The following RPS6KA2 variants were observed in gnomAD, a reference collection of about 807,000 sequenced individuals.
RPS6KA2 encodes ribosomal protein S6 kinase alpha-2.
RPS6KA2 carries 42 observed loss-of-function variants against 91.8 expected under a neutral mutation model. The observed-to-expected ratio is 0.46, with a 90% CI of 0.36 to 0.59. RPS6KA2 has a LOEUF of 0.59. RPS6KA2 is among the 20% of genes least tolerant of loss of function. RPS6KA2 has a pLI of 0.00. For synonymous variants in RPS6KA2, 414 were observed against 393.6 expected (o/e 1.05, Z -0.61); for missense variants, 798 against 978.5 (o/e 0.82, Z 2.46).
chr6:166,664,607 G>T (rs1788263822), intron 2 of RPS6KA2, among the ~76,000 whole-genome samples: 1 of 152,152 alleles, frequency 6.6e-6, no homozygotes, highest in Admixed American at 6.5e-5. Flanking sequence ...AATAGAGATT[G>T]CAAAGCTCAA....
In RPS6KA2 at chr6:166,459,932, C is replaced by T. The variant is rs1439141660; in HGVS notation, c.973-381G>A. ...ACAGGACAGCCACCACTTGCCCCCA[C>T]TGGGGACAGCAGTGAAGAGGCCGTG... On this transcript the variant is annotated intron_variant, in intron 11 of 20. Coordinates refer to ENST00000265678, the MANE Select transcript of RPS6KA2 (RefSeq NM_021135.6). This position sits in a 1 kb window ranked among gnomAD's most constrained non-coding sequence, Gnocchi z 4.9. 1.3e-5 allele frequency among the ~76,000 whole-genome samples: 2 copies of T among 152,200 alleles called. No individual in the cohort carries two copies. Among genetic ancestry groups the T allele is most frequent in the Non-Finnish European group, 2.9e-5 (2 of 68,038 alleles).
intron 10 of RPS6KA2, among the ~76,000 whole-genome samples, chr6:166,473,164 G>C (rs1780835175): frequency 6.6e-6 from 1 of 151,932 alleles, no homozygotes; most frequent in Admixed American, 6.6e-5. Context: ...TCATATCAAT[G>C]ACTAAAGTGC....
intron 10 of RPS6KA2, among the ~76,000 whole-genome samples, chr6:166,476,264 G>A (rs1456454055): frequency 6.6e-6 from 1 of 152,168 alleles, no homozygotes; most frequent in East Asian, 1.9e-4. Flanking sequence ...CTTTCAGTGG[G>A]AGCACAGCCC....
chr6:166,537,002 G>A (rs1010430575), intron 2 of RPS6KA2, among the ~76,000 whole-genome samples: 19 of 152,240 alleles, frequency 1.2e-4, no homozygotes, highest in Middle Eastern at 3.4e-3. Flanking sequence ...CTGAACGAGG[G>A]AGCTGGAAAA....
intron 2 of RPS6KA2, among the ~76,000 whole-genome samples, chr6:166,694,309 G>C (rs1241882314): frequency 6.6e-6 from 1 of 152,206 alleles, no homozygotes; most frequent in Non-Finnish European, 1.5e-5. Context: ...GGCCTGGCTG[G>C]CACTTCTCCT....
intron 2 of RPS6KA2, among the ~76,000 whole-genome samples, chr6:166,652,771 G>A (rs371405623): frequency 7.9e-5 from 12 of 152,282 alleles, no homozygotes; most frequent in East Asian, 3.9e-4. Context: ...GAATCGTACC[G>A]AGATTTTCAA....
chr6:166,433,791 G>A lies in RPS6KA2; in HGVS notation c.1333-1301C>T, dbSNP rs950016964. ...TTTTTTGGAGACAGGGTCTCACTCT[G>A]TTGCCTAGGTTGGAATACAGTGGTA... On this transcript the variant is annotated intron_variant, in intron 14 of 20. Coordinates refer to ENST00000265678, the MANE Select transcript of RPS6KA2 (RefSeq NM_021135.6). This position sits in a 1 kb window ranked among gnomAD's most constrained non-coding sequence, Gnocchi z 4.4. Among the ~76,000 whole-genome samples, 2 of 152,138 alleles carry A rather than the reference G, an allele frequency of 1.3e-5. No homozygotes were observed. The highest frequency in any genetic ancestry group is 1.5e-5 in the Non-Finnish European group (1 of 68,036).
intron 2 of RPS6KA2, among the ~76,000 whole-genome samples, chr6:166,845,637 T>C (rs1044979840): frequency 2.6e-5 from 4 of 152,064 alleles, no homozygotes; most frequent in Non-Finnish European, 1.5e-5. Context: ...AAAATCAAGA[T>C]GGAAATTAAA....
intron 11 of RPS6KA2, among the ~76,000 whole-genome samples, chr6:166,468,181 GTGAGCACAGCC>G (rs1233476308): frequency 6.6e-6 from 1 of 152,244 alleles, no homozygotes; most frequent in African/African-American, 2.4e-5. Flanking sequence ...CATCTGTGAG[GTGAGCACAGCC>G]TGAGCTTCTG....
In RPS6KA2 at chr6:166,859,915, C is replaced by A. The variant is rs147137798; in HGVS notation, c.64-1656G>T. On this transcript the variant is annotated intron_variant, in intron 1 of 21. Transcript: ENST00000503859. ...ATCACTAAAAAATAAGCACTAAAATCTCTTAGCAGATTTTCCGATGAGAAA... is the reference window on the plus strand; with the variant it reads ...ATCACTAAAAAATAAGCACTAAAATATCTTAGCAGATTTTCCGATGAGAAA... 6.4e-3 allele frequency among the ~76,000 whole-genome samples: 977 copies of A among 152,320 alleles called. 8 individuals carry two copies. The highest frequency in any genetic ancestry group is 9.5e-3 in the Non-Finnish European group (646 of 68,030).
rs1228814662 is a variant in RPS6KA2, at chr6:166,862,464, G to C, written c.-294C>G. On this transcript the variant is annotated 5_prime_UTR_variant, in exon 1 of 22. Coordinates refer to the RPS6KA2 transcript ENST00000503859. ...CTGCTGCCGCTTCCCGCTCGGGCTG[G>C]GGCGAGGAAAGGAGGGGACGGCGCT... 5 of 1,099,872 alleles carry C rather than the reference G, an allele frequency of 4.5e-6. No individual in the cohort carries two copies. In the African/African-American group the frequency reaches 6.4e-5, roughly 14 times the overall value. 68.1% of individuals were successfully genotyped at this position (1,099,872 alleles called of 1,614,324 possible).
chr6:166,795,751 T>C (rs1779207431), intron 2 of RPS6KA2, among the ~76,000 whole-genome samples: 1 of 152,166 alleles, frequency 6.6e-6, no homozygotes, highest in Admixed American at 6.5e-5. Context: ...GTGCAGTGTG[T>C]GGGCACCGTG....
At chr6:166,447,822 G>T (rs181087058) in intron 14 of RPS6KA2, among the ~76,000 whole-genome samples, 139 of 152,318 alleles carry the variant, frequency 9.1e-4, no homozygotes, top group African/African-American at 3.2e-3. Flanking sequence ...GGAATAAGCC[G>T]GGAGGGTCCT....
chr6:166,434,346 A>G lies in RPS6KA2; in HGVS notation c.1333-1856T>C, dbSNP rs1040661148. 6.6e-6 allele frequency among the ~76,000 whole-genome samples: 1 copy of G among 152,216 alleles called. No homozygotes were observed. The highest frequency in any genetic ancestry group is 1.5e-5 in the Non-Finnish European group (1 of 68,038). On this transcript the variant is annotated intron_variant, in intron 14 of 20. Coordinates refer to ENST00000265678, the MANE Select transcript of RPS6KA2 (RefSeq NM_021135.6). The surrounding 1 kb of genome is among the most constrained non-coding windows in gnomAD (Gnocchi z 4.4). ...AATTTCTCTCCTTCTGCTGCATTTA[A>G]TTCTACTGAAGTTTTAGCTAGGACA...
intron 14 of RPS6KA2, among the ~76,000 whole-genome samples, chr6:166,436,015 C>T (rs2128447765): frequency 6.6e-6 from 1 of 152,346 alleles, no homozygotes; most frequent in Non-Finnish European, 1.5e-5. Context: ...AACTAGAAAA[C>T]ACCAGGCACT....
chr6:166,638,680 G>A (rs1245726740), intron 2 of RPS6KA2, among the ~76,000 whole-genome samples: 1 of 152,200 alleles, frequency 6.6e-6, no homozygotes, highest in African/African-American at 2.4e-5. Context: ...TGAGTCTCTA[G>A]AACAGTGGTT....
Position 166,836,462 on chromosome 6 carries a change from T to C in RPS6KA2, c.123+21738A>G, listed in dbSNP as rs964577524. Among the ~76,000 whole-genome samples the C allele has an allele frequency of 3.7e-4, 52 of 141,800 alleles. 1 individual carries two copies. 93.0% of individuals were successfully genotyped at this position (141,800 alleles called of 152,430 possible). A position where few individuals can be genotyped will look rare whatever the true frequency, so the allele number is the denominator to read the frequency against. On this transcript the variant is annotated intron_variant, in intron 2 of 21. Transcript: ENST00000503859. ...GAGTAAATATACATGTTAATTATTTTCTATTTTTCTACCTCCAAGTTTTCT... is the reference window on the plus strand; with the variant it reads ...GAGTAAATATACATGTTAATTATTTCCTATTTTTCTACCTCCAAGTTTTCT...
At position 166,648,301 on chromosome 6, in the gene RPS6KA2, G is replaced by A. The variant is rs111495789; in HGVS notation, c.124-109517C>T. ...GCATGCACACAGTATGCACACACACGCATGTATACACATGCACACACACAT... is the reference window on the plus strand; with the variant it reads ...GCATGCACACAGTATGCACACACACACATGTATACACATGCACACACACAT... On this transcript the variant is annotated intron_variant, in intron 2 of 21. Coordinates refer to the RPS6KA2 transcript ENST00000503859. The surrounding 1 kb of genome is among the most constrained non-coding windows in gnomAD (Gnocchi z 4.8). 8.8e-3 allele frequency among the ~76,000 whole-genome samples: 1,337 copies of A among 151,548 alleles called. 25 individuals are homozygous for A. The highest frequency in any genetic ancestry group is 0.064 in the South Asian group (308 of 4,788).
intron 2 of RPS6KA2, among the ~76,000 whole-genome samples, chr6:166,684,702 G>A (rs1788953939): frequency 1.3e-5 from 2 of 152,142 alleles, no homozygotes; most frequent in Admixed American, 1.3e-4. Flanking sequence ...GATGCCGTTG[G>A]ATGTATCCAC....
Sources: allele counts gnomAD v4.1 joint callset (sites outside exome capture counted in the v4.1 genomes callset), GRCh38; gene constraint gnomAD v4.1.1; non-coding constraint Gnocchi (gnomAD v3.1); transcripts MANE v1.5; gene names NCBI Gene and HGNC (gene_info 2026-07-23, HGNC 2026-07-21).